The following KANK1 variants were observed in gnomAD, a reference collection of about 807,000 sequenced individuals.
KANK1 encodes KN motif and ankyrin repeat domains 1.
Under a neutral mutation model 106.2 loss-of-function variants are expected in KANK1, and 109 were observed. The ratio of observed to expected loss-of-function variants is 1.03; its 90% CI spans 0.88 to 1.20. KANK1 has a LOEUF of 1.20. KANK1 is among the 50% of genes most tolerant of loss of function. The probability of loss-of-function intolerance (pLI) is 0.00; values close to 1 mark genes in which losing one functional copy is unlikely to be tolerated. For missense variants in KANK1, 2,399 were observed against 1,710.7 expected, an observed-to-expected ratio of 1.40 and a Z score of -7.10; for synonymous variants, 873 against 652.2, an observed-to-expected ratio of 1.34 and a Z score of -5.16.
At chr9:526,979 C>G (rs1303673577) in intron 1 of KANK1, among the ~76,000 whole-genome samples, 1 of 151,772 alleles carries the variant, frequency 6.6e-6, no homozygotes. Flanking sequence ...ATTATTTAGA[C>G]TGGAAATAAT....
At chr9:738,667 G>C (rs1465627620) in intron 8 of KANK1, among the ~76,000 whole-genome samples, 163 bp downstream of exon 8, 1 of 152,194 alleles carries the variant, frequency 6.6e-6, no homozygotes, top group East Asian at 1.9e-4. Context: ...TCATTCATAA[G>C]AGGCTTGAAG....
chr9:703,061 G>A (rs1240009044), intron 2 of KANK1, among the ~76,000 whole-genome samples: 4 of 151,990 alleles, frequency 2.6e-5, no homozygotes, highest in Non-Finnish European at 5.9e-5. Context: ...GTGCAATCTC[G>A]GTTCACTGTA....
chr9:497,209 C>G (rs1051382985), intron 3 of KANK1, among the ~76,000 whole-genome samples: 6 of 150,812 alleles, frequency 4.0e-5, no homozygotes, highest in Admixed American at 4.0e-4. Context: ...CATTTAGTCT[C>G]AAAAAAAAGA....
chr9:694,543 A>C (rs1820762985), intron 2 of KANK1, among the ~76,000 whole-genome samples: 1 of 152,162 alleles, frequency 6.6e-6, no homozygotes, highest in African/African-American at 2.4e-5. Context: ...TTTGAGACAG[A>C]TTTGGGGTAA....
chr9:742,073 C>CA, intron 9 of KANK1, 132 bp from the exon 10 acceptor site: 1 of 762,182 alleles, frequency 1.3e-6, no homozygotes, highest in Non-Finnish European at 2.2e-6. Context: ...CCACCTGCCC[C>CA]AAGTAGTTCC....
intron 3 of KANK1, among the ~76,000 whole-genome samples, chr9:486,340 G>A (rs550890905): frequency 4.6e-5 from 7 of 152,312 alleles, no homozygotes; most frequent in African/African-American, 1.7e-4. Flanking sequence ...TCCTCTTGAA[G>A]TAATCATCAT....
At chr9:720,642 C>G (rs1259542100) in intron 3 of KANK1, among the ~76,000 whole-genome samples, 3 of 152,190 alleles carry the variant, frequency 2.0e-5, no homozygotes, top group Admixed American at 6.5e-5. Flanking sequence ...AGGCGTAAGC[C>G]AATGCACCCA....
intron 1 of KANK1, among the ~76,000 whole-genome samples, chr9:623,604 C>CA (rs398010190): frequency 0.47 from 55,196 of 117,494 alleles, 13,122 homozygotes; most frequent in South Asian, 0.61. Context: ...GATTGTGTCT[C>CA]AAAAAAAAAA....
intron 3 of KANK1, among the ~76,000 whole-genome samples, chr9:486,347 T>C (rs2132240262): frequency 6.6e-6 from 1 of 152,352 alleles, no homozygotes; most frequent in South Asian, 2.1e-4. Context: ...GAAGTAATCA[T>C]CATCGTCGTC....
intron 1 of KANK1, among the ~76,000 whole-genome samples, chr9:560,413 G>A (rs962793292): frequency 2.0e-5 from 3 of 152,150 alleles, no homozygotes; most frequent in Non-Finnish European, 2.9e-5. Flanking sequence ...TTCCATCAGG[G>A]AACTATTAAG....
At chr9:541,769 A>G (rs981739570) in intron 1 of KANK1, among the ~76,000 whole-genome samples, 3 of 152,248 alleles carry the variant, frequency 2.0e-5, no homozygotes, top group Non-Finnish European at 4.4e-5. Context: ...ATACAACTCA[A>G]TAGCAAGAAA....
chr9:658,088 G>A (rs1842530810), intron 1 of KANK1, among the ~76,000 whole-genome samples: 2 of 152,010 alleles, frequency 1.3e-5, no homozygotes, highest in South Asian at 2.1e-4. Flanking sequence ...TTAAATGGAA[G>A]GGTTGGTTAT....
At chr9:678,560 C>G (rs891072182) in intron 2 of KANK1, among the ~76,000 whole-genome samples, 1 of 152,018 alleles carries the variant, frequency 6.6e-6, no homozygotes, top group Non-Finnish European at 1.5e-5. Context: ...GAAACCCCAT[C>G]TCTACAAAAA....
intron 1 of KANK1, among the ~76,000 whole-genome samples, chr9:558,303 A>G (rs772797874): frequency 8.5e-5 from 13 of 152,212 alleles, no homozygotes; most frequent in Admixed American, 2.0e-4. Flanking sequence ...CCCCACTGTT[A>G]TTATTTGTGG....
At chr9:636,957 A>T (rs1045694896) in intron 1 of KANK1, among the ~76,000 whole-genome samples, 12 of 152,202 alleles carry the variant, frequency 7.9e-5, no homozygotes, top group African/African-American at 1.9e-4. Context: ...GCCACTTTAG[A>T]CTTTGCCAGT....
chr9:712,622 A>T lies in KANK1; in HGVS notation c.1856A>T (p.Asn619Ile). 1 of 1,614,128 alleles carries T rather than the reference A, an allele frequency of 6.2e-7. No homozygotes were observed. The highest frequency in any genetic ancestry group is 2.2e-5 in the East Asian group (1 of 44,878). ...SVNDLTLLKT[N>I]LNLKEVRSIG... is the part of the protein sequence containing the mutation. ...AACGACCTCACACTCCTCAAGACAA[A>T]CTTGAATCTCAAAGAAGTGCGGTCT... Residue 619 changes from asparagine to isoleucine, a missense_variant, in exon 3 of 12, where the codon AAC (asparagine) becomes ATC (isoleucine). Transcript: ENST00000382297.
intron 10 of KANK1, among the ~76,000 whole-genome samples, chr9:743,016 G>C (rs542511951): frequency 1.3e-5 from 2 of 152,250 alleles, no homozygotes; most frequent in East Asian, 3.9e-4. Context: ...ATAACTCCTT[G>C]ACCGGGAAAC....
chr9:566,989 G>C (rs1396180723), intron 1 of KANK1, among the ~76,000 whole-genome samples: 1 of 152,128 alleles, frequency 6.6e-6, no homozygotes, highest in African/African-American at 2.4e-5. Context: ...TTACATTTAA[G>C]TTTTTAATCC....
chr9:520,260 C>T (rs907277773), intron 1 of KANK1, among the ~76,000 whole-genome samples: 4 of 151,734 alleles, frequency 2.6e-5, no homozygotes, highest in African/African-American at 9.7e-5. Context: ...ATCACCTCAG[C>T]CTGGGGAGGT....
Sources: gnomAD v4.1 joint callset for allele counts (sites outside exome capture counted in the v4.1 genomes callset) on GRCh38, gnomAD v4.1.1 for gene constraint, MANE v1.5 for transcripts, NCBI Gene and HGNC (gene_info 2026-07-23, HGNC 2026-07-21) for gene names.